ABCC12: variants seen among roughly 807,000 people sequenced by gnomAD.
The protein encoded by ABCC12 is ATP-binding cassette sub-family C member 12.
In ABCC12, 142 loss-of-function variants were observed where a neutral mutation model predicts 151.1. The ratio of observed to expected loss-of-function variants is 0.94; its 90% CI spans 0.82 to 1.08. The LOEUF (loss-of-function observed/expected upper bound fraction) is 1.08, where lower values mean the gene tolerates loss of function less well. Among genes scored for constraint, ABCC12 ranks in the 50% least tolerant of loss-of-function variants. ABCC12 has a pLI of 0.00. For synonymous variants in ABCC12, 645 were observed against 646.4 expected, an observed-to-expected ratio of 1.00 and a Z score of 0.03; for missense variants, 1,638 against 1,691.1, an observed-to-expected ratio of 0.97 and a Z score of 0.55.
chr16:48,146,190 A>G (rs1964994667), intron 3 of ABCC12, 116 bp downstream of exon 3: 5 of 903,410 alleles, frequency 5.5e-6, no homozygotes, highest in Non-Finnish European at 5.4e-6. Flanking sequence ...GGGTGGACGG[A>G]CAAAAGGACG....
At chr16:48,143,317 T>A (rs1389046936) in intron 4 of ABCC12, among the ~76,000 whole-genome samples, 1 of 151,930 alleles carries the variant, frequency 6.6e-6, no homozygotes, top group African/African-American at 2.4e-5. Flanking sequence ...CTTCAATGAG[T>A]CCTCTCTCCC....
In ABCC12 at chr16:48,146,290, CCTT is replaced by C. The variant is rs1964998140; in HGVS notation, c.119+13_119+15del. ...GTCCTGCCCTGGCCCTCCCTTCTGT[CCTT>C]CTTCTGACTTACCTTGCACAGGGTC... On this transcript the variant is annotated intron_variant, in intron 3 of 30. Transcript: ENST00000311303. 6.8e-6 allele frequency: 11 copies of C among 1,613,142 alleles called. No homozygotes were observed. Among genetic ancestry groups the C allele is most frequent in the Non-Finnish European group, 9.3e-6 (11 of 1,179,132 alleles).
In ABCC12 at chr16:48,128,618, G is replaced by T; in HGVS notation, c.1356C>A (p.Thr452=). ...TWEHEASRKS[T]PKKLQNQKRH... ...TTTTCTGGTTCTGCAATTTCTTTGG[G>T]GTACTTTTCCTGCTGGCTTCATGCT... The change falls in exon 11 of 31, where the codon ACC becomes ACA. Residue 452 remains threonine, a synonymous_variant. Transcript: ENST00000311303. 6.2e-7 allele frequency: 1 copy of T among 1,614,146 alleles called. No homozygotes were observed. Among genetic ancestry groups the T allele is most frequent in the Non-Finnish European group, 8.5e-7 (1 of 1,180,034 alleles).
In ABCC12 at chr16:48,083,118, C is replaced by A. The variant is rs898980136; in HGVS notation, c.*597G>T. On this transcript the variant is annotated 3_prime_UTR_variant, in exon 31 of 31. Transcript: ENST00000311303. ...TAAAAGTGTCATTTATAGAGAAACT[C>A]CAGCATTTTGTTTTCTTGGTTATTC... The A allele has an allele frequency of 1.3e-5, 2 of 152,176 alleles. No homozygotes were observed. Among genetic ancestry groups the A allele is most frequent in the African/African-American group, 4.8e-5 (2 of 41,450 alleles). 9.4% of individuals were successfully genotyped at this position (152,176 alleles called of 1,614,324 possible). A position where few individuals can be genotyped will look rare whatever the true frequency, so the allele number is the denominator to read the frequency against.
chr16:48,119,900 C>A (rs930034516), intron 13 of ABCC12, among the ~76,000 whole-genome samples: 5 of 152,150 alleles, frequency 3.3e-5, no homozygotes, highest in African/African-American at 7.2e-5. Context: ...CATTTAATAC[C>A]TTGGGAGGGT....
intron 23 of ABCC12, among the ~76,000 whole-genome samples, chr16:48,098,870 G>C (rs1963204664): frequency 6.6e-6 from 1 of 152,212 alleles, no homozygotes; most frequent in Admixed American, 6.5e-5. Flanking sequence ...AGTAGAAGCT[G>C]TGGGAAGACA....
intron 8 of ABCC12, among the ~76,000 whole-genome samples, chr16:48,134,998 G>C (rs1413147308): frequency 6.6e-6 from 1 of 150,390 alleles, no homozygotes; most frequent in Non-Finnish European, 1.5e-5. Flanking sequence ...CTTGCAGTGA[G>C]TCGAGATTGC....
At chr16:48,115,071 T>G (rs1963828442) in intron 15 of ABCC12, among the ~76,000 whole-genome samples, 1 of 152,136 alleles carries the variant, frequency 6.6e-6, no homozygotes, top group East Asian at 1.9e-4. Flanking sequence ...GGAGTAAGGG[T>G]GGGGCCGTCA....
intron 13 of ABCC12, among the ~76,000 whole-genome samples, chr16:48,120,455 A>G (rs1964027268): frequency 6.6e-6 from 1 of 152,222 alleles, no homozygotes; most frequent in African/African-American, 2.4e-5. Context: ...TACCCCCTGA[A>G]TCTAATGTTA....
intron 13 of ABCC12, among the ~76,000 whole-genome samples, chr16:48,118,826 C>A (rs1280536800): frequency 6.6e-6 from 1 of 152,176 alleles, no homozygotes; most frequent in Non-Finnish European, 1.5e-5. Context: ...AGCTGGGCGA[C>A]CTTGGACAAG....
At position 48,085,636 on chromosome 16, in the gene ABCC12, C is replaced by G. The variant is rs760618518; in HGVS notation, c.3785G>C (p.Arg1262Pro). 4 of 1,614,030 alleles carry G rather than the reference C, an allele frequency of 2.5e-6. No homozygotes were observed. The change falls in exon 29 of 31, where the codon CGT becomes CCT. Residue 1262 changes from arginine (R) to proline (P), a missense_variant. By Grantham distance (103) the Arg-to-Pro change is moderately radical (BLOSUM62 -2). Transcript: ENST00000311303. ...ENGENFSVGE[R>P]QLLCVARALL... ...AGCTCGGGCCACACAAAGCAGCTGA[C>G]GTTCCCCTACTGAGAAGTTTTCTCC... is the stretch of plus-strand genomic sequence containing the variant.
At position 48,087,948 on chromosome 16, in the gene ABCC12, C is replaced by A. The variant is rs1226227936; in HGVS notation, c.3613G>T (p.Val1205Phe). ...TACCTTACTGTACCTACAAACAGGA[C>A]AGGATCCTGTGGGATCACAGTCAGC... ...TKLTVIPQDP[V>F]LFVGTVRYNL... Residue 1205 changes from valine to phenylalanine, a missense_variant, in exon 27 of 31, where the codon GTC becomes TTC. By Grantham distance (50) the Val-to-Phe change is conservative. Transcript: ENST00000311303. 6.2e-7 allele frequency: 1 copy of A among 1,614,018 alleles called. No homozygotes were observed. Among genetic ancestry groups the A allele is most frequent in the Non-Finnish European group, 8.5e-7 (1 of 1,179,922 alleles).
chr16:48,154,483 A>G (rs1965157798), intron 1 of ABCC12, among the ~76,000 whole-genome samples: 1 of 152,144 alleles, frequency 6.6e-6, no homozygotes, highest in Non-Finnish European at 1.5e-5. Flanking sequence ...TGGGCAGGGT[A>G]TACATGCTTT....
chr16:48,141,089 G>A, intron 5 of ABCC12, 117 bp downstream of exon 5: 1 of 1,453,148 alleles, frequency 6.9e-7, no homozygotes, highest in Non-Finnish European at 9.2e-7. Context: ...TCGCCCCCAA[G>A]GAGCGCAAAG....
Position 48,086,804 on chromosome 16 carries a change from G to A in ABCC12, c.3651C>T (p.Pro1217=), listed in dbSNP as rs771014050. 1.2e-6 allele frequency: 2 copies of A among 1,613,476 alleles called. No individual in the cohort carries two copies. The highest frequency in any genetic ancestry group is 1.3e-5 in the African/African-American group (1 of 75,018). The change falls in exon 28 of 31, where the codon CCC becomes CCT. Residue 1217 remains proline (P), a synonymous_variant. Transcript: ENST00000311303. Reference sequence around the variant, plus strand: ...GCATCTCATCGGTGTGACTCTCAAAGGGATCCAAGTTGTACCTGCAATGAA... The same window carrying A: ...GCATCTCATCGGTGTGACTCTCAAAAGGATCCAAGTTGTACCTGCAATGAA... ...FVGTVRYNLD[P]FESHTDEMLW... is the part of the protein sequence containing the mutation.
chr16:48,112,509 C>T (rs1323340527), intron 15 of ABCC12, among the ~76,000 whole-genome samples: 1 of 152,104 alleles, frequency 6.6e-6, no homozygotes. Flanking sequence ...GCAGGAGAAT[C>T]GCTTGAACTC....
At chr16:48,098,544 A>G (rs1963190709) in intron 23 of ABCC12, among the ~76,000 whole-genome samples, 1 of 152,146 alleles carries the variant, frequency 6.6e-6, no homozygotes, top group Non-Finnish European at 1.5e-5. Flanking sequence ...TAGTCAAAAT[A>G]TTCTTCAAAA....
At chr16:48,086,969 G>A in intron 27 of ABCC12, 150 bp from the exon 28 acceptor site, 1 of 686,118 alleles carries the variant, frequency 1.5e-6, no homozygotes, top group East Asian at 2.5e-5. Context: ...ACAGGACAGT[G>A]GTCCACAAAA....
chr16:48,141,024 TTAA>T, intron 5 of ABCC12, 104 bp from the exon 6 acceptor site: 1 of 1,393,650 alleles, frequency 7.2e-7, no homozygotes, highest in Non-Finnish European at 9.7e-7. Flanking sequence ...GGCAAACTTT[TTAA>T]TTAATTTTAG....
Sources: gnomAD v4.1 joint callset for allele counts (sites outside exome capture counted in the v4.1 genomes callset) on GRCh38, gnomAD v4.1.1 for gene constraint, MANE v1.5 for transcripts, NCBI Gene and HGNC (gene_info 2026-07-23, HGNC 2026-07-21) for gene names.